The following TLN2 variants were observed in gnomAD, a reference collection of about 807,000 sequenced individuals.
TLN2 encodes talin-2.
In TLN2, 118 loss-of-function variants were observed where a neutral mutation model predicts 294.7. That is an observed-to-expected ratio of 0.40 (90% CI 0.34 to 0.47). TLN2 has a LOEUF of 0.47. TLN2 is among the 20% of genes least tolerant of loss of function. TLN2 has a pLI of 0.84. For missense variants in TLN2, 3,083 were observed against 3,282.2 expected, an observed-to-expected ratio of 0.94 and a Z score of 1.48; for synonymous variants, 1,431 against 1,304.5, an observed-to-expected ratio of 1.10 and a Z score of -2.09.
At chr15:62,563,082 A>C (rs2043113525) in intron 1 of TLN2, among the ~76,000 whole-genome samples, 1 of 151,820 alleles carries the variant, frequency 6.6e-6, no homozygotes, top group Admixed American at 6.6e-5. Flanking sequence ...TTTTTGTATA[A>C]TGACTTATTT....
chr15:62,681,521 G>A (rs1207899884), intron 11 of TLN2, among the ~76,000 whole-genome samples: 1 of 151,988 alleles, frequency 6.6e-6, no homozygotes, highest in Admixed American at 6.6e-5. Flanking sequence ...CCTAATAATC[G>A]GTATTAAATT....
chr15:62,524,324 T>C (rs1035221209), intron 1 of TLN2, among the ~76,000 whole-genome samples: 1 of 152,210 alleles, frequency 6.6e-6, no homozygotes, highest in Non-Finnish European at 1.5e-5. Context: ...GCAGATTTTA[T>C]ACTCTGAGTT....
chr15:62,812,806 G>A (rs917237656), intron 52 of TLN2, among the ~76,000 whole-genome samples: 17 of 152,286 alleles, frequency 1.1e-4, no homozygotes, highest in African/African-American at 3.4e-4. Context: ...TCCGAGGGGC[G>A]GGCGGGCAGA....
intron 1 of TLN2, among the ~76,000 whole-genome samples, chr15:62,491,146 AC>A (rs1316923795): frequency 6.6e-6 from 1 of 152,032 alleles, no homozygotes; most frequent in Admixed American, 6.6e-5. Context: ...ACATGGCGAA[AC>A]CCTGTCTCTA....
At chr15:62,610,759 C>A (rs1232769241) in intron 2 of TLN2, among the ~76,000 whole-genome samples, 3 of 152,130 alleles carry the variant, frequency 2.0e-5, no homozygotes, top group Non-Finnish European at 4.4e-5. Flanking sequence ...TGCAAACGTG[C>A]CAGGAGTATT....
chr15:62,519,208 T>C (rs1292308993), intron 1 of TLN2, among the ~76,000 whole-genome samples: 1 of 152,200 alleles, frequency 6.6e-6, no homozygotes, highest in Non-Finnish European at 1.5e-5. Context: ...CCTTTCCTCC[T>C]GAGTGTGCTT....
At chr15:62,814,199 GA>G (rs1159262579) in intron 52 of TLN2, among the ~76,000 whole-genome samples, 2 of 152,092 alleles carry the variant, frequency 1.3e-5, no homozygotes, top group Non-Finnish European at 2.9e-5. Flanking sequence ...TAGAAGGCAG[GA>G]AAAAAACTGG....
At chr15:62,485,447 C>T (rs1183554932) in intron 1 of TLN2, among the ~76,000 whole-genome samples, 1 of 152,162 alleles carries the variant, frequency 6.6e-6, no homozygotes, top group East Asian at 1.9e-4. Context: ...CAGGCTGCAT[C>T]CTTCACTGCA....
chr15:62,785,553 G>A (rs1347868885), intron 45 of TLN2, among the ~76,000 whole-genome samples: 1 of 151,824 alleles, frequency 6.6e-6, no homozygotes, highest in Non-Finnish European at 1.5e-5. Flanking sequence ...TTAGAAGGTT[G>A]AGCCAGGAGA....
chr15:62,415,471 C>T (rs1478421725), intron 1 of TLN2, among the ~76,000 whole-genome samples: 1 of 142,564 alleles, frequency 7.0e-6, no homozygotes, highest in Non-Finnish European at 1.5e-5. Context: ...GTTTAAGAAA[C>T]GTTTCCTGGT....
chr15:62,691,875 T>G (rs927296759), intron 12 of TLN2, among the ~76,000 whole-genome samples: 1 of 152,074 alleles, frequency 6.6e-6, no homozygotes, highest in Non-Finnish European at 1.5e-5. Context: ...AGTCTCACCA[T>G]GTTGCCCAGG....
rs144540919 is a variant in TLN2, at chr15:62,612,097, G to C, written c.-161-6254G>C. ...TGTATCTAAACCGCCCCCTGACCCAGCATCTACCTGCCCACCTCAGCTTAG... is the reference window on the plus strand; with the variant it reads ...TGTATCTAAACCGCCCCCTGACCCACCATCTACCTGCCCACCTCAGCTTAG... On this transcript the variant is annotated intron_variant, in intron 2 of 58. Transcript: ENST00000636159. 3.9e-3 allele frequency among the ~76,000 whole-genome samples: 589 copies of C among 152,158 alleles called. 6 individuals are homozygous for C. The highest frequency in any genetic ancestry group is 0.013 in the African/African-American group (548 of 41,508).
chr15:62,783,721 CTGTG>C lies in TLN2; in HGVS notation c.5617-26_5617-23del, dbSNP rs61411757. The C allele has an allele frequency of 1.8e-3, 2,231 of 1,231,080 alleles. 4 individuals carry two copies. The highest frequency in any genetic ancestry group is 5.1e-3 in the East Asian group (156 of 30,778). 76.3% of individuals were successfully genotyped at this position (1,231,080 alleles called of 1,614,324 possible). ...ACACATGGTTCTCATGCGTTTCTCT[CTGTG>C]TGTGTGTGTGTGTGTGTGTGTGTCT... On this transcript the variant is annotated intron_variant, in intron 44 of 58. Coordinates refer to ENST00000636159, the MANE Select transcript of TLN2 (RefSeq NM_015059.3).
At chr15:62,584,683 C>G (rs1366200332) in intron 1 of TLN2, among the ~76,000 whole-genome samples, 1 of 152,218 alleles carries the variant, frequency 6.6e-6, no homozygotes, top group Non-Finnish European at 1.5e-5. Context: ...TCAGCAAAAA[C>G]AAGTAAGTCC....
chr15:62,480,649 T>C (rs149318776), intron 1 of TLN2, among the ~76,000 whole-genome samples: 1 of 152,370 alleles, frequency 6.6e-6, no homozygotes, highest in African/African-American at 2.4e-5. Flanking sequence ...TTTTCCATAG[T>C]AGTCTTCATC....
Position 62,400,799 on chromosome 15 carries a change from G to T in TLN2, c.-238+10114G>T, listed in dbSNP as rs1417499580. On this transcript the variant is annotated intron_variant, in intron 1 of 58. Transcript: ENST00000636159. ...ATGTTTATTTCAGTGTCAGCAAAGGGGTTATGTTTCCGGTTTTTTTTTTTT... is the reference window on the plus strand; with the variant it reads ...ATGTTTATTTCAGTGTCAGCAAAGGTGTTATGTTTCCGGTTTTTTTTTTTT... 2.0e-5 allele frequency among the ~76,000 whole-genome samples: 3 copies of T among 150,254 alleles called. No individual in the cohort carries two copies. The South Asian group carries it at 6.3e-4, about 31-fold the overall frequency.
At position 62,771,154 on chromosome 15, in the gene TLN2, G is replaced by A. The variant is rs1476814207; in HGVS notation, c.5367+20G>A. The A allele has an allele frequency of 1.9e-6, 3 of 1,590,300 alleles. No homozygotes were observed. Among genetic ancestry groups the A allele is most frequent in the Non-Finnish European group, 2.6e-6 (3 of 1,165,262 alleles). ...CCCAAGGTATGGTCCAGGATATCGGGGACTCACTTAGGACCACTAAGAAGC... is the reference window on the plus strand; with the variant it reads ...CCCAAGGTATGGTCCAGGATATCGGAGACTCACTTAGGACCACTAAGAAGC... On this transcript the variant is annotated intron_variant, in intron 42 of 58. Coordinates refer to ENST00000636159, the MANE Select transcript of TLN2 (RefSeq NM_015059.3).
chr15:62,429,167 G>C (rs574638159), intron 1 of TLN2, among the ~76,000 whole-genome samples: 215 of 151,696 alleles, frequency 1.4e-3, no homozygotes, highest in African/African-American at 4.6e-3. Context: ...AATCACTCAA[G>C]CGGGGTGCAG....
At chr15:62,539,391 A>AT (rs1463782856) in intron 1 of TLN2, among the ~76,000 whole-genome samples, 4 of 152,090 alleles carry the variant, frequency 2.6e-5, no homozygotes, top group African/African-American at 9.7e-5. Context: ...TTCTCAACAA[A>AT]TCTGTCACCT....
Sources: gnomAD v4.1 joint callset for allele counts (sites outside exome capture counted in the v4.1 genomes callset) on GRCh38, gnomAD v4.1.1 for gene constraint, MANE v1.5 for transcripts, NCBI Gene and HGNC (gene_info 2026-07-23, HGNC 2026-07-21) for gene names.